FER1L6: variants seen among roughly 807,000 people sequenced by gnomAD.
FER1L6 encodes the protein fer-1 like family member 6, also known as fer-1-like protein 6.
Under a neutral mutation model 219.2 loss-of-function variants are expected in FER1L6, and 177 were observed. The ratio of observed to expected loss-of-function variants is 0.81; its 90% CI spans 0.71 to 0.91. The LOEUF is 0.91. Among genes scored for constraint, FER1L6 ranks in the 40% least tolerant of loss-of-function variants. The probability of loss-of-function intolerance (pLI) is 0.00; values close to 1 mark genes in which losing one functional copy is unlikely to be tolerated. For missense variants in FER1L6, 2,153 were observed against 2,259.9 expected, an observed-to-expected ratio of 0.95 and a Z score of 0.96; for synonymous variants, 768 against 824.3, an observed-to-expected ratio of 0.93 and a Z score of 1.17.
chr8:123,933,135 T>C (rs1813842482), intron 1 of FER1L6, among the ~76,000 whole-genome samples: 1 of 152,216 alleles, frequency 6.6e-6, no homozygotes, highest in South Asian at 2.1e-4. Flanking sequence ...TAGGTCTGGC[T>C]GTTCCCACTC....
chr8:124,003,333 G>A lies in FER1L6; in HGVS notation c.1686G>A (p.Val562=), dbSNP rs1345585991. ...ASTTHPEKPL[V]TEGNRNYNYL... ...CCACTCACCCGGAGAAGCCACTGGT[G>A]ACAGAAGGGAACAGGTAGGAGACAT... The change falls in exon 13 of 41, where the codon GTG becomes GTA. Residue 562 remains valine (V), a synonymous_variant. Coordinates refer to ENST00000522917, the MANE Select transcript of FER1L6 (RefSeq NM_001039112.2). 1.2e-6 allele frequency: 2 copies of A among 1,612,626 alleles called. No individual in the cohort carries two copies. The highest frequency in any genetic ancestry group is 1.1e-5 in the South Asian group (1 of 90,978).
intron 39 of FER1L6, 125 bp downstream of exon 39, chr8:124,103,434 T>G (rs1215434288): frequency 4.3e-6 from 4 of 922,776 alleles, no homozygotes; most frequent in Non-Finnish European, 6.5e-6. Context: ...CATGCAGAGG[T>G]TCTGCTAAGA....
intron 1 of FER1L6, among the ~76,000 whole-genome samples, chr8:123,891,643 G>T (rs576945960): frequency 4.6e-5 from 7 of 152,286 alleles, no homozygotes; most frequent in African/African-American, 1.7e-4. Flanking sequence ...AGAATAATAG[G>T]ACTTTTTGTA....
Position 124,091,543 on chromosome 8 carries a change from A to G in FER1L6, c.4512A>G (p.Gln1504=). The change falls in exon 34 of 41, where the codon CAA becomes CAG. Residue 1504 remains glutamine, a synonymous_variant. Transcript: ENST00000522917. ...FHPGKIQIGN[Q]VFSGKTIFTE... The stretch of plus-strand genomic sequence containing the variant: ...CTGGGAAAATACAGATAGGAAACCA[A>G]GTCTTTTCTGGAAAAACTATCTTCA... 1 of 1,614,136 alleles carries G rather than the reference A, an allele frequency of 6.2e-7. No individual in the cohort carries two copies. Among genetic ancestry groups the G allele is most frequent in the Non-Finnish European group, 8.5e-7 (1 of 1,179,964 alleles).
chr8:123,917,339 G>A (rs913159815), intron 1 of FER1L6, among the ~76,000 whole-genome samples: 5 of 152,200 alleles, frequency 3.3e-5, no homozygotes, highest in African/African-American at 1.2e-4. Flanking sequence ...TTTTGAAAGT[G>A]CAGAGGACTT....
intron 2 of FER1L6, among the ~76,000 whole-genome samples, chr8:123,957,550 T>C (rs112188929): frequency 6.6e-6 from 1 of 152,160 alleles, no homozygotes; most frequent in African/African-American, 2.4e-5. Context: ...CTCTGAAAAG[T>C]AGATTCTTTT....
chr8:123,920,672 G>T (rs1487510059), intron 1 of FER1L6, among the ~76,000 whole-genome samples: 1 of 152,214 alleles, frequency 6.6e-6, no homozygotes, highest in Non-Finnish European at 1.5e-5. Context: ...TTTATGGTCT[G>T]CTGCTGAGGA....
Position 123,977,384 on chromosome 8 carries a change from C to G in FER1L6, c.871-33C>G, listed in dbSNP as rs545473833. On this transcript the variant is annotated intron_variant, in intron 9 of 40. Coordinates refer to ENST00000522917, the MANE Select transcript of FER1L6 (RefSeq NM_001039112.2). Reference sequence around the variant, plus strand: ...GTTTTCTGTAGTCAGTCAGTCCCTTCCATGACTCATGTCCTCCTGGCTGTG... The same window carrying G: ...GTTTTCTGTAGTCAGTCAGTCCCTTGCATGACTCATGTCCTCCTGGCTGTG... 4 of 1,594,362 alleles carry G rather than the reference C, an allele frequency of 2.5e-6. No homozygotes were observed. In the African/African-American group the frequency reaches 5.4e-5, roughly 21 times the overall value.
chr8:124,078,708 G>GTACCCTCT (rs1790425132), intron 32 of FER1L6, among the ~76,000 whole-genome samples: 1 of 151,868 alleles, frequency 6.6e-6, no homozygotes, highest in African/African-American at 2.4e-5. Flanking sequence ...GGCATCCCAG[G>GTACCCTCT]TGGGATGGGA....
chr8:124,044,570 C>T (rs1819641531), intron 20 of FER1L6, among the ~76,000 whole-genome samples: 1 of 152,208 alleles, frequency 6.6e-6, no homozygotes, highest in South Asian at 2.1e-4. Context: ...GACTTTCCTC[C>T]TAGATTGAAC....
chr8:123,879,389 C>T (rs1021531671), intron 1 of FER1L6, among the ~76,000 whole-genome samples: 1 of 152,016 alleles, frequency 6.6e-6, no homozygotes, highest in Non-Finnish European at 1.5e-5. Flanking sequence ...TGCAGTGGTG[C>T]GATCTCGGCT....
rs1248932301 is a variant in FER1L6 at position 124,003,473 on chromosome 8, T to G, written c.1700+126T>G. The G allele has an allele frequency of 2.0e-5, 15 of 732,402 alleles. No homozygotes were observed. The East Asian group carries it at 3.4e-4, about 17-fold the overall frequency. 45.4% of individuals were successfully genotyped at this position (732,402 alleles called of 1,614,324 possible). ...GTCCTTTTTTTTTTTTTTTTTTTTT[T>G]TTTTTTTTGAGACGGAGTCTTGCTT... On this transcript the variant is annotated intron_variant, in intron 13 of 40. Transcript: ENST00000522917.
At position 123,977,560 on chromosome 8, in the gene FER1L6, C is replaced by A. The variant is rs770083659; in HGVS notation, c.1014C>A (p.Thr338=). 3.1e-6 allele frequency: 5 copies of A among 1,613,930 alleles called. No individual in the cohort carries two copies. In the South Asian group the frequency reaches 4.4e-5, roughly 14 times the overall value. Residue 338 remains threonine (T), a synonymous_variant, in exon 10 of 41, where the codon ACC becomes ACA. Coordinates refer to ENST00000522917, the MANE Select transcript of FER1L6 (RefSeq NM_001039112.2). ...GCATGAATGACGTAGCCCTGGCAAC[C>A]CATTTCATTGACCTGAAGAAAATCT... ...EGSMNDVALA[T]HFIDLKKISN...
At chr8:124,097,176 C>G (rs1822341225) in intron 35 of FER1L6, 95 bp from the exon 36 acceptor site, 2 of 876,246 alleles carry the variant, frequency 2.3e-6, no homozygotes. Context: ...ACACCTATTT[C>G]TACTAAAGGG....
At position 124,061,990 on chromosome 8, in the gene FER1L6, C is replaced by T. The variant is rs757167290; in HGVS notation, c.3286C>T (p.Leu1096Phe). 4 of 1,614,172 alleles carry T rather than the reference C, an allele frequency of 2.5e-6. No individual in the cohort carries two copies. Among genetic ancestry groups the T allele is most frequent in the Non-Finnish European group, 3.4e-6 (4 of 1,180,020 alleles). The change falls in exon 25 of 41, where the codon CTT (leucine) becomes TTT (phenylalanine). Residue 1096 changes from leucine (L) to phenylalanine (F), a missense_variant. Leu to Phe is a conservative substitution (Grantham distance 22). Transcript: ENST00000522917. The part of the protein sequence containing the change: ...KQFLCKLREP[L>F]APITQVDGTQ... ...GTTTTTGTGTAAACTCAGAGAGCCC[C>T]TTGCCCCCATCACACAGGTGGATGG...
intron 11 of FER1L6, among the ~76,000 whole-genome samples, chr8:123,983,166 C>A (rs535208962): frequency 1.8e-4 from 27 of 152,226 alleles, no homozygotes; most frequent in African/African-American, 6.5e-4. Context: ...ATGATGATGC[C>A]GTTTCTTTCA....
intron 39 of FER1L6, among the ~76,000 whole-genome samples, chr8:124,118,183 C>A (rs925277793): frequency 6.6e-6 from 1 of 152,178 alleles, no homozygotes; most frequent in South Asian, 2.1e-4. Context: ...GAGAAAATGG[C>A]TCTTAACTTT....
intron 1 of FER1L6, among the ~76,000 whole-genome samples, chr8:123,856,316 G>GTGTGTATATATATATA (rs71576706): frequency 2.2e-5 from 1 of 45,112 alleles, no homozygotes; most frequent in African/African-American, 8.7e-5. Context: ...ATATGTATGT[G>GTGTGTATATATATATA]TATATATATA....
rs562468662 is a variant in FER1L6 at position 124,087,473 on chromosome 8, T to C, written c.4392-3950T>C. Among the ~76,000 whole-genome samples the C allele has an allele frequency of 4.1e-4, 62 of 152,272 alleles. No individual in the cohort carries two copies. In the South Asian group the frequency reaches 0.012, roughly 29 times the overall value. ...TTATCGGATAGGATTCTGAATTCCT[T>C]CTTTGTGTTATCTTGAATTTTGTTG... On this transcript the variant is annotated intron_variant, in intron 33 of 40. Transcript: ENST00000522917.
Sources: gnomAD v4.1 joint callset for allele counts (sites outside exome capture counted in the v4.1 genomes callset) on GRCh38, gnomAD v4.1.1 for gene constraint, MANE v1.5 for transcripts, NCBI Gene and HGNC (gene_info 2026-07-23, HGNC 2026-07-21) for gene names.